The following ZNF500 variants were observed in gnomAD, a reference collection of about 807,000 sequenced individuals.
ZNF500 encodes zinc finger protein with KRAB and SCAN domains 18.
In ZNF500, 31 loss-of-function variants were observed where a neutral mutation model predicts 30.1. The observed-to-expected ratio is 1.03, with a 90% CI of 0.77 to 1.39. The LOEUF (loss-of-function observed/expected upper bound fraction) is 1.39, where lower values mean the gene tolerates loss of function less well. Ranked by LOEUF, ZNF500 falls within the 40% of genes most tolerant of loss-of-function variation. The pLI is 0.00. For missense variants in ZNF500, 817 were observed against 657.8 expected (o/e 1.24, Z -2.65); for synonymous variants, 392 against 282.0 (o/e 1.39, Z -3.91).
At chr16:4,765,447 A>C in intron 2 of ZNF500, 118 bp downstream of exon 2, 2 of 1,420,360 alleles carry the variant, frequency 1.4e-6, no homozygotes, top group African/African-American at 2.9e-5. Flanking sequence ...CTTTCCTCAA[A>C]AGGGCTCAGG....
intron 2 of ZNF500, chr16:4,763,090 A>G (rs1199567069): frequency 1.0e-6 from 1 of 985,300 alleles, no homozygotes; most frequent in Non-Finnish European, 1.2e-6. Context: ...ACAGAACTGC[A>G]TTTGCTAGAT....
downstream of ZNF500, chr16:4,746,688 G>A (rs117452198): frequency 4.6e-3 from 4,219 of 923,506 alleles, 271 homozygotes; most frequent in Admixed American, 0.11. Flanking sequence ...AGGGAGGGAA[G>A]AGGGGCATGA....
chr16:4,762,427 C>A (rs1257779700), intron 3 of ZNF500, 92 bp from the exon 4 acceptor site: 5 of 1,522,674 alleles, frequency 3.3e-6, no homozygotes, highest in Non-Finnish European at 4.4e-6. Context: ...AGCCCGGCGG[C>A]TGCCCACCCA....
Position 4,751,881 on chromosome 16 carries a change from CT to C in ZNF500, c.*494del, listed in dbSNP as rs1453983588. 3.1e-6 allele frequency: 1 copy of C among 320,232 alleles called. No homozygotes were observed. Among genetic ancestry groups the C allele is most frequent in the South Asian group, 5.9e-5 (1 of 16,850 alleles). The allele number at this position is 320,232 out of a possible 1,614,324, so 19.8% of individuals were successfully genotyped here. On this transcript the variant is annotated 3_prime_UTR_variant, in exon 6 of 6. Coordinates refer to ENST00000219478, the MANE Select transcript of ZNF500 (RefSeq NM_021646.4). Reference sequence around the variant, plus strand: ...TATGATCATGGCACTGTATTCCCGCCTGGGGGACACAGCAAGGCCCCGTCTC... The same window carrying C: ...TATGATCATGGCACTGTATTCCCGCCGGGGGACACAGCAAGGCCCCGTCTC...
At chr16:4,765,508 A>G in intron 2 of ZNF500, 57 bp downstream of exon 2, 1 of 1,526,002 alleles carries the variant, frequency 6.6e-7, no homozygotes, top group Non-Finnish European at 8.8e-7. Context: ...CTGCAGCTGC[A>G]GACCCCAGCA....
intron 2 of ZNF500, 84 bp from the exon 3 acceptor site, chr16:4,762,840 G>A (rs1022630545): frequency 1.2e-5 from 17 of 1,469,878 alleles, no homozygotes; most frequent in East Asian, 2.4e-5. Context: ...CCTCATCTCA[G>A]GCACCCCAGC....
downstream of ZNF500, chr16:4,744,896 A>G: frequency 6.2e-7 from 1 of 1,613,816 alleles, no homozygotes; most frequent in Non-Finnish European, 8.5e-7. Context: ...CGCCCACAAC[A>G]GGCTCATGGA....
chr16:4,755,880 G>A (rs1335194435), intron 5 of ZNF500, among the ~76,000 whole-genome samples: 1 of 152,178 alleles, frequency 6.6e-6, no homozygotes, highest in Admixed American at 6.6e-5. Context: ...GCCATGAAAA[G>A]GAAGCACTGA....
Position 4,751,591 on chromosome 16 carries a change from C to T in ZNF500, c.*785G>A, listed in dbSNP as rs900851098. 2.6e-6 allele frequency: 4 copies of T among 1,534,892 alleles called. No individual in the cohort carries two copies. Among genetic ancestry groups the T allele is most frequent in the East Asian group, 2.4e-5 (1 of 40,900 alleles). On this transcript the variant is annotated 3_prime_UTR_variant, in exon 6 of 6. Coordinates refer to ENST00000219478, the MANE Select transcript of ZNF500 (RefSeq NM_021646.4). ...ACCACGTCCTGGGAAGGCTGGGGTA[C>T]AGCAGGGCTCCCTGCAGCAGACGAG...
chr16:4,758,626 T>C (rs950511770), intron 5 of ZNF500: 1 of 152,138 alleles, frequency 6.6e-6, no homozygotes, highest in Admixed American at 6.5e-5. Context: ...GCTCAACAAA[T>C]AATCACTTTC....
chr16:4,758,542 G>A (rs535345737), intron 5 of ZNF500: 1 of 152,364 alleles, frequency 6.6e-6, no homozygotes, highest in East Asian at 1.9e-4. Context: ...TGGTGTCCAT[G>A]GGACCTGGCC....
In ZNF500 at chr16:4,751,609, C is replaced by G; in HGVS notation, c.*767G>C. 6.5e-7 allele frequency: 1 copy of G among 1,535,314 alleles called. No homozygotes were observed. The highest frequency in any genetic ancestry group is 1.2e-5 in the South Asian group (1 of 84,044). On this transcript the variant is annotated 3_prime_UTR_variant, in exon 6 of 6. Coordinates refer to ENST00000219478, the MANE Select transcript of ZNF500 (RefSeq NM_021646.4). ...TGGGGTACAGCAGGGCTCCCTGCAG[C>G]AGACGAGGGGTCCCTCAAATTCATG...
chr16:4,762,575 C>A lies in ZNF500; in HGVS notation c.596G>T (p.Arg199Ile). 1 of 1,611,860 alleles carries A rather than the reference C, an allele frequency of 6.2e-7. No individual in the cohort carries two copies. The highest frequency in any genetic ancestry group is 2.2e-5 in the East Asian group (1 of 44,864). Residue 199 changes from arginine (R) to isoleucine (I), a missense_variant and splice_region_variant, in exon 3 of 6, where the codon AGA becomes ATA. Coordinates refer to ENST00000219478, the MANE Select transcript of ZNF500 (RefSeq NM_021646.4). ...PQRGPLLWPERGPPAPRHQEM... is the reference protein window; with the variant it reads ...PQRGPLLWPEIGPPAPRHQEM... ...TCCTCCAAAGGGGTGCTACTCACCT[C>A]TCTCTGGCCACAACAGCGGGCCCCT...
At position 4,752,563 on chromosome 16, in the gene ZNF500, T is replaced by C. The variant is rs1444300117; in HGVS notation, c.1256A>G (p.Asn419Ser). ...GTGGGCGCTGAAGTGCGAGCTGTTG[T>C]TGAAGCGCTTCCCGCACTGGGTGCA... ...YACTQCGKRF[N>S]NSSHFSAHRR... is the part of the protein sequence containing the mutation. The change falls in exon 6 of 6, where the codon AAC becomes AGC. Residue 419 changes from asparagine to serine, a missense_variant. Coordinates refer to ENST00000219478, the MANE Select transcript of ZNF500 (RefSeq NM_021646.4). The C allele has an allele frequency of 3.8e-6, 6 of 1,575,534 alleles. No homozygotes were observed. Among genetic ancestry groups the C allele is most frequent in the Non-Finnish European group, 4.3e-6 (5 of 1,163,342 alleles).
At chr16:4,758,291 C>A (rs142146251) in intron 5 of ZNF500, 2 of 152,232 alleles carry the variant, frequency 1.3e-5, no homozygotes, top group Non-Finnish European at 2.9e-5. Context: ...GTAAGTAAAA[C>A]CCAAACACAT....
chr16:4,765,041 C>A (rs938496200), intron 2 of ZNF500, among the ~76,000 whole-genome samples: 2 of 152,160 alleles, frequency 1.3e-5, no homozygotes, highest in South Asian at 2.1e-4. Context: ...TGGCTCATGC[C>A]TGTAATCCCA....
intron 2 of ZNF500, chr16:4,763,976 T>C (rs2082235493): frequency 1.0e-6 from 1 of 985,290 alleles, no homozygotes; most frequent in Non-Finnish European, 1.2e-6. Flanking sequence ...CCCTGAAAAA[T>C]GAACTGAAAC....
rs2142220969 is a variant in ZNF500, at chr16:4,750,457, A to G, written c.*1919T>C. ...ATCCTCCAGCCTCAGCCTCTCAAGTAGCTGGGACTACAGGCACACCCCATC... is the reference window on the plus strand; with the variant it reads ...ATCCTCCAGCCTCAGCCTCTCAAGTGGCTGGGACTACAGGCACACCCCATC... On this transcript the variant is annotated 3_prime_UTR_variant, in exon 6 of 6. Transcript: ENST00000219478. 1 of 151,938 alleles carries G rather than the reference A, an allele frequency of 6.6e-6. No individual in the cohort carries two copies. Among genetic ancestry groups the G allele is most frequent in the South Asian group, 2.1e-4 (1 of 4,804 alleles). 9.4% of individuals were successfully genotyped at this position (151,938 alleles called of 1,614,324 possible). A position where few individuals can be genotyped will look rare whatever the true frequency, so the allele number is the denominator to read the frequency against.
At position 4,762,821 on chromosome 16, in the gene ZNF500, C is replaced by A. The variant is rs1324167938; in HGVS notation, c.415-65G>T. 2.6e-6 allele frequency: 4 copies of A among 1,511,332 alleles called. No individual in the cohort carries two copies. In the African/African-American group the frequency reaches 5.5e-5, roughly 21 times the overall value. 93.6% of individuals were successfully genotyped at this position (1,511,332 alleles called of 1,614,324 possible). On this transcript the variant is annotated intron_variant, in intron 2 of 5. Coordinates refer to ENST00000219478, the MANE Select transcript of ZNF500 (RefSeq NM_021646.4). ...GCCAGAAGGAAAAATCCCCGCAGGG[C>A]CCCACACCCCTCATCTCAGGCACCC...
Sources: gnomAD v4.1 joint callset for allele counts (sites outside exome capture counted in the v4.1 genomes callset) on GRCh38, gnomAD v4.1.1 for gene constraint, MANE v1.5 for transcripts, NCBI Gene and HGNC (gene_info 2026-07-23, HGNC 2026-07-21) for gene names.